MED27: variants seen among roughly 807,000 people sequenced by gnomAD.
MED27 encodes mediator complex subunit 27.
In MED27, 30 loss-of-function variants were observed where a neutral mutation model predicts 38.2. The ratio of observed to expected loss-of-function variants is 0.79; its 90% CI spans 0.59 to 1.07. MED27 has a LOEUF of 1.07. Ranked by LOEUF, MED27 falls within the 50% of genes least tolerant of loss-of-function variation. The probability of loss-of-function intolerance (pLI) is 0.00; values close to 1 mark genes in which losing one functional copy is unlikely to be tolerated. For synonymous variants in MED27, 122 were observed against 153.5 expected (o/e 0.79, Z 1.52); for missense variants, 289 against 397.5 (o/e 0.73, Z 2.32).
intron 2 of MED27, among the ~76,000 whole-genome samples, chr9:132,018,592 C>T (rs1239426618): frequency 6.6e-6 from 1 of 152,218 alleles, no homozygotes; most frequent in African/African-American, 2.4e-5. Context: ...TCACACCGAT[C>T]ATGTTCAATA....
chr9:131,899,680 G>C lies in MED27; in HGVS notation c.574-5688C>G, dbSNP rs1024266458. Among the ~76,000 whole-genome samples, 10 of 152,314 alleles carry C rather than the reference G, an allele frequency of 6.6e-5. No individual in the cohort carries two copies. The East Asian group carries it at 1.2e-3, about 18-fold the overall frequency. ...AGTGTGGTGCAGCAGGAAGGGTAACGTAACAGGAGCCCTCCTGGCTCTGCC... is the reference window on the plus strand; with the variant it reads ...AGTGTGGTGCAGCAGGAAGGGTAACCTAACAGGAGCCCTCCTGGCTCTGCC... On this transcript the variant is annotated intron_variant, in intron 4 of 7. Transcript: ENST00000292035.
At chr9:131,978,649 G>C (rs1056770792) in intron 3 of MED27, among the ~76,000 whole-genome samples, 3 of 152,104 alleles carry the variant, frequency 2.0e-5, no homozygotes, top group Non-Finnish European at 4.4e-5. Context: ...GTGGACATTT[G>C]AAGTTCTCCA....
At chr9:132,019,724 T>C (rs191871377) in intron 2 of MED27, among the ~76,000 whole-genome samples, 2 of 152,364 alleles carry the variant, frequency 1.3e-5, no homozygotes, top group African/African-American at 2.4e-5. Flanking sequence ...TTTGCCTTAA[T>C]AGCTCTGTCC....
intron 6 of MED27, among the ~76,000 whole-genome samples, chr9:131,864,787 T>A (rs1838709084): frequency 6.6e-6 from 1 of 152,252 alleles, no homozygotes; most frequent in Admixed American, 6.5e-5. Flanking sequence ...TGGCCTCTTA[T>A]GGGGGCCTCT....
chr9:131,861,093 G>A lies in MED27; in HGVS notation c.802-421C>T, dbSNP rs1219200897. On this transcript the variant is annotated intron_variant, in intron 7 of 7. Transcript: ENST00000292035. The surrounding 1 kb of genome is among the most constrained non-coding windows in gnomAD (Gnocchi z 4.4). ...TGTGTGCTGAGGAAGCCTTGGAACC[G>A]AGGACAATTCCAGAGTTCTCCGCGG... is the stretch of plus-strand genomic sequence containing the variant. 6.6e-6 allele frequency among the ~76,000 whole-genome samples: 1 copy of A among 152,022 alleles called. No homozygotes were observed. The highest frequency in any genetic ancestry group is 2.4e-5 in the African/African-American group (1 of 41,372).
chr9:131,962,160 A>C (rs1196793288), intron 3 of MED27, among the ~76,000 whole-genome samples: 3 of 152,228 alleles, frequency 2.0e-5, no homozygotes, highest in Admixed American at 2.0e-4. Context: ...ACTGATAAGC[A>C]TTGTGAACCA....
intron 6 of MED27, chr9:131,869,209 A>G: frequency 1.0e-6 from 1 of 985,384 alleles, no homozygotes; most frequent in Non-Finnish European, 1.2e-6. Flanking sequence ...GTCCTCCCCA[A>G]GTCCTCCACT....
chr9:131,948,292 A>G (rs1476731083), intron 3 of MED27, among the ~76,000 whole-genome samples: 1 of 151,926 alleles, frequency 6.6e-6, no homozygotes, highest in Non-Finnish European at 1.5e-5. Flanking sequence ...CGAGACCAAC[A>G]TGGCCAATAT....
chr9:131,943,761 T>TG (rs1790370292), intron 3 of MED27, among the ~76,000 whole-genome samples: 1 of 152,212 alleles, frequency 6.6e-6, no homozygotes, highest in African/African-American at 2.4e-5. Context: ...GAAAGACTGC[T>TG]GTTCCTATTT....
At chr9:131,961,105 A>C (rs1442940567) in intron 3 of MED27, among the ~76,000 whole-genome samples, 2 of 152,236 alleles carry the variant, frequency 1.3e-5, no homozygotes, top group Non-Finnish European at 2.9e-5. Flanking sequence ...CTGCTGATCT[A>C]AATGGGTACG....
chr9:132,024,124 CA>C (rs1198773605), intron 2 of MED27, among the ~76,000 whole-genome samples: 8 of 152,270 alleles, frequency 5.3e-5, no homozygotes, highest in Middle Eastern at 3.4e-3. Flanking sequence ...AACCCCAGCT[CA>C]ACATGAGTGA....
intron 2 of MED27, among the ~76,000 whole-genome samples, chr9:132,056,792 C>T (rs1043924001): frequency 2.0e-5 from 3 of 152,208 alleles, no homozygotes; most frequent in African/African-American, 7.2e-5. Flanking sequence ...TACACCCCAA[C>T]TCCATGGACA....
At chr9:132,055,019 C>A (rs558714477) in intron 2 of MED27, among the ~76,000 whole-genome samples, 1 of 152,208 alleles carries the variant, frequency 6.6e-6, no homozygotes, top group East Asian at 1.9e-4. Context: ...TTTGACCATC[C>A]CAGCCTCACT....
intron 3 of MED27, among the ~76,000 whole-genome samples, chr9:131,974,885 C>T (rs934460255): frequency 6.6e-6 from 1 of 152,198 alleles, no homozygotes; most frequent in Admixed American, 6.5e-5. Flanking sequence ...TGTTTTCCTA[C>T]ATCTCCCCCT....
At chr9:131,973,249 C>T (rs1831521284) in intron 3 of MED27, among the ~76,000 whole-genome samples, 2 of 152,146 alleles carry the variant, frequency 1.3e-5, no homozygotes, top group African/African-American at 4.8e-5. Context: ...TGACAATTAT[C>T]CCCTTTCAGG....
At chr9:132,025,166 C>T (rs1832791539) in intron 2 of MED27, among the ~76,000 whole-genome samples, 1 of 141,554 alleles carries the variant, frequency 7.1e-6, no homozygotes, top group Non-Finnish European at 1.5e-5. Context: ...TTAAAAGAAA[C>T]AACAGATTAG....
chr9:131,869,819 G>T (rs1035876853), intron 6 of MED27, among the ~76,000 whole-genome samples: 5 of 152,186 alleles, frequency 3.3e-5, no homozygotes, highest in African/African-American at 1.2e-4. Flanking sequence ...CATTTGGGGT[G>T]TGTCCCGTCT....
At chr9:131,981,252 A>T (rs1831728981) in intron 3 of MED27, among the ~76,000 whole-genome samples, 1 of 152,224 alleles carries the variant, frequency 6.6e-6, no homozygotes, top group Non-Finnish European at 1.5e-5. Context: ...AAGGAAAACC[A>T]CTATTTGTCT....
chr9:131,995,132 G>T (rs1782915494), intron 3 of MED27, among the ~76,000 whole-genome samples: 1 of 152,146 alleles, frequency 6.6e-6, no homozygotes, highest in African/African-American at 2.4e-5. Context: ...GAAGGAAAAA[G>T]ATTGGAAAGT....
Sources: allele counts gnomAD v4.1 joint callset (sites outside exome capture counted in the v4.1 genomes callset), GRCh38; gene constraint gnomAD v4.1.1; non-coding constraint Gnocchi (gnomAD v3.1); transcripts MANE v1.5; gene names NCBI Gene and HGNC (gene_info 2026-07-23, HGNC 2026-07-21).